Variants in DELE1 observed in about 807,000 individuals in gnomAD.
DELE1 encodes the protein DAP3 binding cell death enhancer 1.
A neutral mutation model predicts 59.3 loss-of-function variants in DELE1; 54 were observed. The ratio of observed to expected loss-of-function variants is 0.91; its 90% CI spans 0.73 to 1.14. The LOEUF is 1.14. Ranked by LOEUF, DELE1 falls within the 50% of genes most tolerant of loss-of-function variation. DELE1 has a pLI of 0.00. For missense variants in DELE1, 636 were observed against 643.9 expected, an observed-to-expected ratio of 0.99 and a Z score of 0.13; for synonymous variants, 264 against 259.1, an observed-to-expected ratio of 1.02 and a Z score of -0.18.
Position 141,939,573 on chromosome 5 carries a change from A to G in DELE1, c.*814A>G, listed in dbSNP as rs534961393. The G allele has an allele frequency of 1.0e-6, 1 of 985,824 alleles. No homozygotes were observed. The highest frequency in any genetic ancestry group is 1.2e-6 in the Non-Finnish European group (1 of 829,944). 61.1% of individuals were successfully genotyped at this position (985,824 alleles called of 1,614,324 possible). Reference sequence around the variant, plus strand: ...TTTCAGAACTTCTCACCTCAGCCCTAAAGAGGGAGCCTGTGGGTTCTCAGA... The same window carrying G: ...TTTCAGAACTTCTCACCTCAGCCCTGAAGAGGGAGCCTGTGGGTTCTCAGA... On this transcript the variant is annotated 3_prime_UTR_variant, in exon 12 of 12. Transcript: ENST00000432126.
chr5:141,937,483 C>T (rs1752454697), intron 11 of DELE1, 126 bp downstream of exon 11: 2 of 1,155,272 alleles, frequency 1.7e-6, no homozygotes, highest in East Asian at 4.8e-5. Context: ...AAGAATGCAG[C>T]TTTTGGGATG....
At position 141,940,880 on chromosome 5, in the gene DELE1, G is replaced by T; in HGVS notation, c.*2121G>T. The T allele has an allele frequency of 1.0e-6, 1 of 985,184 alleles. No homozygotes were observed. Among genetic ancestry groups the T allele is most frequent in the Non-Finnish European group, 1.2e-6 (1 of 829,700 alleles). 61.0% of individuals were successfully genotyped at this position (985,184 alleles called of 1,614,324 possible). The stretch of plus-strand genomic sequence containing the variant: ...CTCTGCCAAAAAACAAACAAAAAAA[G>T]GTTTCTGTGGTTAAATAAGTTTGGG... On this transcript the variant is annotated 3_prime_UTR_variant, in exon 12 of 12. Coordinates refer to ENST00000432126, the MANE Select transcript of DELE1 (RefSeq NM_014773.5).
At position 141,934,527 on chromosome 5, in the gene DELE1, G is replaced by A. The variant is rs1752208896; in HGVS notation, c.1090G>A (p.Glu364Lys). 6.2e-7 allele frequency: 1 copy of A among 1,614,138 alleles called. No homozygotes were observed. Among genetic ancestry groups the A allele is most frequent in the African/African-American group, 1.3e-5 (1 of 74,938 alleles). The change falls in exon 10 of 12, where the codon GAG (glutamate) becomes AAG (lysine). Residue 364 changes from glutamate (E) to lysine (K), a missense_variant. Coordinates refer to ENST00000432126, the MANE Select transcript of DELE1 (RefSeq NM_014773.5). The stretch of plus-strand genomic sequence containing the variant: ...TTTCCTCGGGGTGCTTTTCACCAAG[G>A]AGCCCTACCTGGATGAGCAGAGAGC... The part of the protein sequence containing the change: ...QAFLGVLFTK[E>K]PYLDEQRAVK...
chr5:141,931,547 G>A (rs1364675628), intron 7 of DELE1, among the ~76,000 whole-genome samples: 1 of 152,158 alleles, frequency 6.6e-6, no homozygotes, highest in Admixed American at 6.5e-5. Context: ...AGGAGACGAG[G>A]CAGGCGCTGT....
chr5:141,933,327 G>A lies in DELE1; in HGVS notation c.823G>A (p.Gly275Ser), dbSNP rs750399593. 37 of 1,567,112 alleles carry A rather than the reference G, an allele frequency of 2.4e-5. No homozygotes were observed. Among genetic ancestry groups the A allele is most frequent in the African/African-American group, 2.0e-4 (15 of 73,798 alleles). ...FSYFQKAAAR[G>S]YSKAQYNAGL... The stretch of plus-strand genomic sequence containing the variant: ...TTACTTCCAGAAAGCTGCAGCCCGC[G>A]GCTACAGCAAAGCGCAGTACAATGC... The change falls in exon 8 of 12, where the codon GGC (glycine) becomes AGC (serine). Residue 275 changes from glycine to serine, a missense_variant. By Grantham distance (56) the Gly-to-Ser change is moderately conservative. Transcript: ENST00000432126.
intron 5 of DELE1, 96 bp from the exon 6 acceptor site, chr5:141,929,893 G>T: frequency 6.6e-7 from 1 of 1,513,912 alleles, no homozygotes; most frequent in Non-Finnish European, 9.2e-7. Context: ...CCTGGCAAGG[G>T]TGCTGGCTGG....
Position 141,934,397 on chromosome 5 carries a change from A to G in DELE1, c.1055A>G (p.Glu352Gly). 6.2e-7 allele frequency: 1 copy of G among 1,614,166 alleles called. No individual in the cohort carries two copies. The highest frequency in any genetic ancestry group is 8.5e-7 in the Non-Finnish European group (1 of 1,180,018). The change falls in exon 9 of 12, where the codon GAG (glutamate) becomes GGG (glycine). Residue 352 changes from glutamate to glycine, a missense_variant and splice_region_variant. Glu to Gly is a moderately conservative substitution (Grantham distance 98, BLOSUM62 -2). Transcript: ENST00000432126. ...LKQAADSGLR[E>G]AQAFLGVLFT... ...CAGGCTGCAGACTCAGGCTTGAGAG[A>G]GGTGAGTGCCATTGGCAGGGTCTGT...
In DELE1 at chr5:141,931,806, C is replaced by T. The variant is rs1249082569; in HGVS notation, c.755-1453C>T. On this transcript the variant is annotated intron_variant, in intron 7 of 11. Transcript: ENST00000432126. ...TGGCTGAATGGAACCTGGTTTCTCC[C>T]TCATGAGCTTTATGTGATTTTGATG... Among the ~76,000 whole-genome samples the T allele has an allele frequency of 2.0e-5, 3 of 152,162 alleles. No homozygotes were observed. In the East Asian group the frequency reaches 5.8e-4, roughly 29 times the overall value.
chr5:141,938,433 A>G, intron 11 of DELE1, 88 bp from the exon 12 acceptor site: 6 of 1,538,438 alleles, frequency 3.9e-6, no homozygotes, highest in Non-Finnish European at 5.2e-6. Flanking sequence ...ATGCCTGGGG[A>G]ACCAAGCCCT....
At position 141,941,498 on chromosome 5, in the gene DELE1, C is replaced by T. The variant is rs1752734774; in HGVS notation, c.*2739C>T. The T allele has an allele frequency of 1.0e-6, 1 of 985,346 alleles. No individual in the cohort carries two copies. 61.0% of individuals were successfully genotyped at this position (985,346 alleles called of 1,614,324 possible). Reference sequence around the variant, plus strand: ...TGGGCTTCACTGGCAGAGCTGGGTACTGCTGTGCTTTTGCCATTAAAATTC... The same window carrying T: ...TGGGCTTCACTGGCAGAGCTGGGTATTGCTGTGCTTTTGCCATTAAAATTC... On this transcript the variant is annotated 3_prime_UTR_variant, in exon 12 of 12. Transcript: ENST00000432126.
At chr5:141,928,435 G>A in intron 4 of DELE1, 137 bp downstream of exon 4, 1 of 1,083,502 alleles carries the variant, frequency 9.2e-7, no homozygotes, top group Non-Finnish European at 1.3e-6. Flanking sequence ...GAAGAGGAAT[G>A]TGGGGAAGTT....
At chr5:141,936,195 G>T (rs968446841) in intron 10 of DELE1, among the ~76,000 whole-genome samples, 1 of 152,134 alleles carries the variant, frequency 6.6e-6, no homozygotes, top group South Asian at 2.1e-4. Context: ...AATAAGGTAG[G>T]TGCTATTAGC....
At chr5:141,937,493 G>A in intron 11 of DELE1, 136 bp downstream of exon 11, 2 of 1,013,414 alleles carry the variant, frequency 2.0e-6, no homozygotes, top group African/African-American at 1.6e-5. Flanking sequence ...CTTTTGGGAT[G>A]GGCACGGTGG....
rs952169376 is a variant in DELE1, at chr5:141,939,169, G to C, written c.*410G>C. On this transcript the variant is annotated 3_prime_UTR_variant, in exon 12 of 12. Transcript: ENST00000432126. ...TGATGTGTGTATCCCTGGTTCACAA[G>C]AAGATTTTAGATGGTATTCAAATTA... 13 of 902,094 alleles carry C rather than the reference G, an allele frequency of 1.4e-5. No homozygotes were observed. The African/African-American group carries it at 2.3e-4, about 16-fold the overall frequency. 55.9% of individuals were successfully genotyped at this position (902,094 alleles called of 1,614,324 possible).
chr5:141,930,781 C>G (rs1751844003), intron 7 of DELE1, among the ~76,000 whole-genome samples: 2 of 152,134 alleles, frequency 1.3e-5, no homozygotes, highest in Admixed American at 1.3e-4. Flanking sequence ...GTGGGGACTC[C>G]AAATACCCTT....
intron 7 of DELE1, among the ~76,000 whole-genome samples, chr5:141,932,898 A>T (rs1752024965): frequency 6.6e-6 from 1 of 151,886 alleles, no homozygotes; most frequent in Non-Finnish European, 1.5e-5. Flanking sequence ...AGTTTGAGAC[A>T]AGCCTGGCCA....
At chr5:141,933,051 C>T (rs1444833631) in intron 7 of DELE1, among the ~76,000 whole-genome samples, 1 of 145,144 alleles carries the variant, frequency 6.9e-6, no homozygotes, top group Non-Finnish European at 1.5e-5. Flanking sequence ...GCTGAGATTG[C>T]GCCACTGCAT....
At position 141,939,345 on chromosome 5, in the gene DELE1, G is replaced by A. The variant is rs1053429658; in HGVS notation, c.*586G>A. 2 of 890,498 alleles carry A rather than the reference G, an allele frequency of 2.2e-6. No individual in the cohort carries two copies. The highest frequency in any genetic ancestry group is 5.2e-5 in the South Asian group (1 of 19,364). The allele number at this position is 890,498 out of a possible 1,614,324, so 55.2% of individuals were successfully genotyped here. A position where few individuals can be genotyped will look rare whatever the true frequency, so the allele number is the denominator to read the frequency against. On this transcript the variant is annotated 3_prime_UTR_variant, in exon 12 of 12. Coordinates refer to ENST00000432126, the MANE Select transcript of DELE1 (RefSeq NM_014773.5). Reference sequence around the variant, plus strand: ...AAAGAAAAACATAACGTAAAAGTGGGCACAGATCCAGAGAGGTAGCAAAAA... The same window carrying A: ...AAAGAAAAACATAACGTAAAAGTGGACACAGATCCAGAGAGGTAGCAAAAA...
chr5:141,936,274 G>A (rs940650246), intron 10 of DELE1, among the ~76,000 whole-genome samples: 9 of 152,166 alleles, frequency 5.9e-5, no homozygotes, highest in African/African-American at 2.2e-4. Flanking sequence ...TAACACAGCT[G>A]GTAAGTGGTA....
Sources: gnomAD v4.1 joint callset for allele counts (sites outside exome capture counted in the v4.1 genomes callset) on GRCh38, gnomAD v4.1.1 for gene constraint, MANE v1.5 for transcripts, NCBI Gene and HGNC (gene_info 2026-07-23, HGNC 2026-07-21) for gene names.